The following SLC29A3 variants were observed in gnomAD, a reference collection of about 807,000 sequenced individuals.
The protein encoded by SLC29A3 is equilibrative nucleoside transporter 3.
SLC29A3 carries 18 observed loss-of-function variants against 25.4 expected under a neutral mutation model. The observed-to-expected ratio is 0.71, with a 90% CI of 0.49 to 1.05. SLC29A3 has a LOEUF of 1.05. Among genes scored for constraint, SLC29A3 ranks in the 50% least tolerant of loss-of-function variants. The pLI is 0.00. For missense variants in SLC29A3, 586 were observed against 609.0 expected (o/e 0.96, Z 0.40); for synonymous variants, 258 against 267.1 (o/e 0.97, Z 0.33).
intron 2 of SLC29A3, among the ~76,000 whole-genome samples, chr10:71,331,915 C>T (rs1283178024): frequency 1.3e-5 from 2 of 152,146 alleles, no homozygotes; most frequent in African/African-American, 4.8e-5. Context: ...CTAGACCCTT[C>T]CCTGATGGCT....
chr10:71,377,646 C>T (rs1847263504), intron 4 of SLC29A3, among the ~76,000 whole-genome samples: 1 of 152,236 alleles, frequency 6.6e-6, no homozygotes, highest in Admixed American at 6.5e-5. Context: ...GAGAGGCGAC[C>T]TGCCAATTTT....
chr10:71,342,037 A>T (rs909384526), intron 2 of SLC29A3, among the ~76,000 whole-genome samples: 1 of 151,910 alleles, frequency 6.6e-6, no homozygotes, highest in Admixed American at 6.6e-5. Context: ...GTAACACCTC[A>T]TGTTTGCTCT....
rs565036426 is a variant in SLC29A3, at chr10:71,336,294, A to G, written c.301-7915A>G. On this transcript the variant is annotated intron_variant, in intron 2 of 5. Coordinates refer to ENST00000373189, the MANE Select transcript of SLC29A3 (RefSeq NM_018344.6). ...TCTGCAAAGACCCTATGTCCAGATAAGTCACATCCTGAGGTTCTGGGTAGA... is the reference window on the plus strand; with the variant it reads ...TCTGCAAAGACCCTATGTCCAGATAGGTCACATCCTGAGGTTCTGGGTAGA... Among the ~76,000 whole-genome samples, 6 of 152,224 alleles carry G rather than the reference A, an allele frequency of 3.9e-5. No individual in the cohort carries two copies. The East Asian group carries it at 1.2e-3, about 30-fold the overall frequency.
intron 3 of SLC29A3, among the ~76,000 whole-genome samples, chr10:71,346,723 T>C (rs1846594480): frequency 6.6e-6 from 1 of 152,076 alleles, no homozygotes; most frequent in Non-Finnish European, 1.5e-5. Flanking sequence ...ACTGGGACCT[T>C]CTCACCCTAC....
At chr10:71,349,342 T>C (rs1045219337) in intron 3 of SLC29A3, among the ~76,000 whole-genome samples, 7 of 152,110 alleles carry the variant, frequency 4.6e-5, no homozygotes, top group African/African-American at 1.4e-4. Flanking sequence ...CTGCATGGCT[T>C]TTCCTCCATG....
At chr10:71,376,509 T>C (rs1017809932) in intron 4 of SLC29A3, among the ~76,000 whole-genome samples, 2 of 152,202 alleles carry the variant, frequency 1.3e-5, no homozygotes, top group African/African-American at 4.8e-5. Flanking sequence ...ATTAGACCAT[T>C]TATCAGGGGT....
intron 2 of SLC29A3, among the ~76,000 whole-genome samples, chr10:71,336,359 G>GGGTAGC (rs1846253919): frequency 6.6e-6 from 1 of 152,062 alleles, no homozygotes; most frequent in African/African-American, 2.4e-5. Context: ...CCTCTAGACG[G>GGGTAGC]GGTAGCATGC....
At chr10:71,321,186 T>G (rs1251212604) in intron 1 of SLC29A3, among the ~76,000 whole-genome samples, 1 of 152,210 alleles carries the variant, frequency 6.6e-6, no homozygotes, top group Non-Finnish European at 1.5e-5. Flanking sequence ...GCAAGTGCCT[T>G]CCAGACCTCA....
rs929841092 is a variant in SLC29A3 at position 71,344,366 on chromosome 10, T to C, written c.383+75T>C. 24 of 1,198,544 alleles carry C rather than the reference T, an allele frequency of 2.0e-5. No individual in the cohort carries two copies. In the Admixed American group the frequency reaches 4.0e-4, roughly 20 times the overall value. The allele number at this position is 1,198,544 out of a possible 1,614,324, so 74.2% of individuals were successfully genotyped here. A position where few individuals can be genotyped will look rare whatever the true frequency, so the allele number is the denominator to read the frequency against. On this transcript the variant is annotated intron_variant, in intron 3 of 5. Coordinates refer to ENST00000373189, the MANE Select transcript of SLC29A3 (RefSeq NM_018344.6). ...CCTCTACTCCCCTCTTGCCTGCAGCTGCTTTTTTTCTGCCTACTTAAGTGG... is the reference window on the plus strand; with the variant it reads ...CCTCTACTCCCCTCTTGCCTGCAGCCGCTTTTTTTCTGCCTACTTAAGTGG...
At chr10:71,332,130 CTCTTTTCTTT>C (rs1846131822) in intron 2 of SLC29A3, among the ~76,000 whole-genome samples, 1 of 150,514 alleles carries the variant, frequency 6.6e-6, no homozygotes. Context: ...CTTTTTTCTT[CTCTTTTCTTT>C]TTCTTTTTTT....
At chr10:71,328,550 G>T (rs1846028605) in intron 2 of SLC29A3, among the ~76,000 whole-genome samples, 1 of 152,194 alleles carries the variant, frequency 6.6e-6, no homozygotes, top group South Asian at 2.1e-4. Context: ...CCCCGCTGGT[G>T]AATAAAACTC....
chr10:71,332,152 C>CT (rs10716665), intron 2 of SLC29A3, among the ~76,000 whole-genome samples: 3,687 of 135,170 alleles, frequency 0.027, 234 homozygotes, highest in Admixed American at 0.13. Flanking sequence ...TCTTTTTTTT[C>CT]TTTTTTTTTT....
chr10:71,351,332 C>G (rs769479287), intron 3 of SLC29A3, among the ~76,000 whole-genome samples: 1 of 152,256 alleles, frequency 6.6e-6, no homozygotes, highest in Non-Finnish European at 1.5e-5. Context: ...GTTGAATCAA[C>G]TCTCCCCATT....
chr10:71,348,277 CCAAGGAACTGGT>C (rs1274187058), intron 3 of SLC29A3, among the ~76,000 whole-genome samples: 2 of 152,238 alleles, frequency 1.3e-5, no homozygotes, highest in African/African-American at 4.8e-5. Flanking sequence ...CCTTCTTGCC[CCAAGGAACTGGT>C]TCAAACTTCT....
rs1454974921 is a variant in SLC29A3 at position 71,351,655 on chromosome 10, C to T, written c.477C>T (p.Ser159=). 6.2e-7 allele frequency: 1 copy of T among 1,614,180 alleles called. No individual in the cohort carries two copies. Among genetic ancestry groups the T allele is most frequent in the Non-Finnish European group, 8.5e-7 (1 of 1,179,988 alleles). ...ITALVKVDTS[S]WTRGFFAVTI... The stretch of plus-strand genomic sequence containing the variant: ...CACTGGTGAAGGTGGACACTTCCTC[C>T]TGGACCCGTGGCTTTTTTGCGGTCA... Residue 159 remains serine, a synonymous_variant, in exon 4 of 6, where the codon TCC becomes TCT. Coordinates refer to ENST00000373189, the MANE Select transcript of SLC29A3 (RefSeq NM_018344.6).
chr10:71,377,231 CG>C (rs1847259490), intron 4 of SLC29A3, among the ~76,000 whole-genome samples: 1 of 152,192 alleles, frequency 6.6e-6, no homozygotes. Context: ...CGGATGCTCC[CG>C]GAAGATGCTC....
intron 4 of SLC29A3, among the ~76,000 whole-genome samples, chr10:71,378,118 A>G (rs1379909556): frequency 6.6e-6 from 1 of 151,278 alleles, no homozygotes; most frequent in Non-Finnish European, 1.5e-5. Flanking sequence ...CCTCTTTTGG[A>G]AAAAAGAATA....
rs1204471247 is a variant in SLC29A3, at chr10:71,363,317, T to C, written c.*709T>C. 3 of 453,998 alleles carry C rather than the reference T, an allele frequency of 6.6e-6. No individual in the cohort carries two copies. Among genetic ancestry groups the C allele is most frequent in the Admixed American group, 4.7e-5 (2 of 42,560 alleles). 28.1% of individuals were successfully genotyped at this position (453,998 alleles called of 1,614,324 possible). ...ATGGCCTGGGTCAAGATGAGGGTCT[T>C]TCAGTGTTCCTGTTTACAACATGTC... On this transcript the variant is annotated 3_prime_UTR_variant, in exon 6 of 6. Transcript: ENST00000373189.
chr10:71,337,011 T>G (rs1846270880), intron 2 of SLC29A3, among the ~76,000 whole-genome samples: 1 of 152,164 alleles, frequency 6.6e-6, no homozygotes, highest in African/African-American at 2.4e-5. Context: ...CCACAGTGGC[T>G]TCGTCTGTCT....
Sources: gnomAD v4.1 joint callset for allele counts (sites outside exome capture counted in the v4.1 genomes callset) on GRCh38, gnomAD v4.1.1 for gene constraint, MANE v1.5 for transcripts, NCBI Gene and HGNC (gene_info 2026-07-23, HGNC 2026-07-21) for gene names.